The following VAMP2 variants were observed in gnomAD, a reference collection of about 807,000 sequenced individuals.
VAMP2 encodes the protein vesicle associated membrane protein 2.
For missense variants in VAMP2, 95 were observed against 151.3 expected, an observed-to-expected ratio of 0.63 and a Z score of 1.95; for synonymous variants, 67 against 57.3, an observed-to-expected ratio of 1.17 and a Z score of -0.76.
rs1445055130 is a variant in VAMP2, at chr17:8,159,787, G to A, written c.*1068C>T. On this transcript the variant is annotated 3_prime_UTR_variant, in exon 5 of 5. Coordinates refer to ENST00000316509, the MANE Select transcript of VAMP2 (RefSeq NM_014232.3). The stretch of plus-strand genomic sequence containing the variant: ...ACTGGTAGCCACCCCTCTCACAAGA[G>A]ATCAATTGTGGCCAACCCCCAACTC... The A allele has an allele frequency of 1.3e-5, 2 of 152,732 alleles. No homozygotes were observed. The highest frequency in any genetic ancestry group is 1.3e-4 in the Admixed American group (2 of 15,278). The allele number at this position is 152,732 out of a possible 1,614,324, so 9.5% of individuals were successfully genotyped here. A position where few individuals can be genotyped will look rare whatever the true frequency, so the allele number is the denominator to read the frequency against.
chr17:8,162,525 G>T, intron 1 of VAMP2, 156 bp from the exon 2 acceptor site: 3 of 1,515,568 alleles, frequency 2.0e-6, no homozygotes, highest in Non-Finnish European at 2.6e-6. Flanking sequence ...CAGCCCTGCC[G>T]CCGATGAGCT....
chr17:8,162,193 C>T (rs1437528121), intron 2 of VAMP2, 56 bp downstream of exon 2: 3 of 1,501,018 alleles, frequency 2.0e-6, no homozygotes, highest in Non-Finnish European at 2.7e-6. Flanking sequence ...GGCCCCTACA[C>T]CTATACGCCA....
rs373201814 is a variant in VAMP2, at chr17:8,160,836, G to C, written c.*19C>G. ...TGGGGGAGAGGCCCTTCTCTAGGCA[G>C]GGCAGACTCCTCGGGGATTTAAGTG... is the stretch of plus-strand genomic sequence containing the variant. On this transcript the variant is annotated 3_prime_UTR_variant, in exon 5 of 5. Transcript: ENST00000316509. The C allele has an allele frequency of 1.2e-6, 2 of 1,609,942 alleles. No homozygotes were observed. The highest frequency in any genetic ancestry group is 2.7e-5 in the African/African-American group (2 of 74,728).
In VAMP2 at chr17:8,160,098, A is replaced by T. The variant is rs909646322; in HGVS notation, c.*757T>A. On this transcript the variant is annotated 3_prime_UTR_variant, in exon 5 of 5. Coordinates refer to ENST00000316509, the MANE Select transcript of VAMP2 (RefSeq NM_014232.3). ...GGACCAGAGCAGCCTGGTTCCCCAA[A>T]AGCCCAGGCTCCCCACCACCTGCGA... The T allele has an allele frequency of 1.3e-5, 2 of 152,266 alleles. No individual in the cohort carries two copies. Among genetic ancestry groups the T allele is most frequent in the African/African-American group, 4.8e-5 (2 of 41,424 alleles). 9.4% of individuals were successfully genotyped at this position (152,266 alleles called of 1,614,324 possible).
intron 2 of VAMP2, among the ~76,000 whole-genome samples, chr17:8,161,976 T>C (rs1036164826): frequency 5.9e-5 from 9 of 152,142 alleles, no homozygotes; most frequent in Non-Finnish European, 7.4e-5. Flanking sequence ...TCAGATGTCA[T>C]AGCAACACCC....
rs1482692469 is a variant in VAMP2, at chr17:8,161,641, C to T, written c.249G>A (p.Lys83=). The T allele has an allele frequency of 3.1e-6, 5 of 1,614,196 alleles. No individual in the cohort carries two copies. Among genetic ancestry groups the T allele is most frequent in the South Asian group, 1.1e-5 (1 of 91,088 alleles). Residue 83 remains lysine (K), a synonymous_variant, in exon 3 of 5, where the codon AAG becomes AAA. Coordinates refer to ENST00000316509, the MANE Select transcript of VAMP2 (RefSeq NM_014232.3). ...TTTTCCACCAGTATTTGCGCTTGAG[C>T]TTGGCTGCGCTTGTTTCAAACTGGG... ...GASQFETSAA[K]LKRKYWWKNL...
chr17:8,161,121 G>C (rs1288269957), intron 4 of VAMP2: 1 of 553,602 alleles, frequency 1.8e-6, no homozygotes, highest in Non-Finnish European at 3.2e-6. Context: ...GAGACCGCAA[G>C]CTCTCAAATA....
intron 1 of VAMP2, 37 bp from the exon 2 acceptor site, chr17:8,162,406 A>G (rs956684719): frequency 3.7e-6 from 6 of 1,607,480 alleles, no homozygotes; most frequent in Non-Finnish European, 5.1e-6. Flanking sequence ...CAGGGCCTGC[A>G]GCCTCCCGGC....
Position 8,159,852 on chromosome 17 carries a change from G to A in VAMP2, c.*1003C>T, listed in dbSNP as rs949189664. On this transcript the variant is annotated 3_prime_UTR_variant, in exon 5 of 5. Transcript: ENST00000316509. ...GGAGGTGGATCAGGCAGATGGGAGG[G>A]AAACCCCATGGGAATGTCAGTTGAG... is the stretch of plus-strand genomic sequence containing the variant. 2 of 152,696 alleles carry A rather than the reference G, an allele frequency of 1.3e-5. No homozygotes were observed. The highest frequency in any genetic ancestry group is 6.5e-5 in the Admixed American group (1 of 15,282). The allele number at this position is 152,696 out of a possible 1,614,324, so 9.5% of individuals were successfully genotyped here.
At position 8,162,415 on chromosome 17, in the gene VAMP2, G is replaced by GC. The variant is rs1262491170; in HGVS notation, c.3-47dup. 6.9e-6 allele frequency: 11 copies of GC among 1,602,468 alleles called. No homozygotes were observed. In the Admixed American group the frequency reaches 1.9e-4, roughly 27 times the overall value. On this transcript the variant is annotated intron_variant, in intron 1 of 4. Coordinates refer to ENST00000316509, the MANE Select transcript of VAMP2 (RefSeq NM_014232.3). ...AAGACCCAGGGCCTGCAGCCTCCCG[G>GC]CCCCGCAGCCAGGGCTCCGCCCATC...
chr17:8,162,553 G>GC lies in VAMP2; in HGVS notation c.3-185dup, dbSNP rs200515650. ...GATGAGCTGCGTGACCTTGAGCGAG[G>GC]CCCCCCCGGCCTCAGTTTCCCCGCC... On this transcript the variant is annotated intron_variant, in intron 1 of 4. Coordinates refer to ENST00000316509, the MANE Select transcript of VAMP2 (RefSeq NM_014232.3). 7.6e-4 allele frequency: 1,112 copies of GC among 1,463,364 alleles called. 5 individuals carry two copies. In the African/African-American group the frequency reaches 0.014, roughly 18 times the overall value. The allele number at this position is 1,463,364 out of a possible 1,614,324, so 90.6% of individuals were successfully genotyped here. A position where few individuals can be genotyped will look rare whatever the true frequency, so the allele number is the denominator to read the frequency against.
chr17:8,162,394 CCCAGGGCCTGCAGCCTCCCGGCCCCGCAG>C, intron 1 of VAMP2, 25 bp from the exon 2 acceptor site: 2 of 1,611,182 alleles, frequency 1.2e-6, no homozygotes, highest in Non-Finnish European at 1.7e-6. Context: ...CGGATTAAGA[CCCAGGGCCTGCAGCCTCCCGGCCCCGCAG>C]CCAGGGCTCC....
At position 8,161,229 on chromosome 17, in the gene VAMP2, A is replaced by G. The variant is rs986074080; in HGVS notation, c.334+244T>C. 2.7e-5 allele frequency: 17 copies of G among 621,264 alleles called. No homozygotes were observed. In the Admixed American group the frequency reaches 5.2e-4, roughly 19 times the overall value. The allele number at this position is 621,264 out of a possible 1,614,324, so 38.5% of individuals were successfully genotyped here. A position where few individuals can be genotyped will look rare whatever the true frequency, so the allele number is the denominator to read the frequency against. On this transcript the variant is annotated intron_variant, in intron 4 of 4. Coordinates refer to ENST00000316509, the MANE Select transcript of VAMP2 (RefSeq NM_014232.3). ...GTTCTCAGACTGGGCTCTTAGGCCT[A>G]AAGGGTCCTCAATGGATACACCAGC...
rs759970051 is a variant in VAMP2 at position 8,162,296 on chromosome 17, G to T, written c.76C>A (p.Leu26Ile). 6.3e-7 allele frequency: 1 copy of T among 1,594,044 alleles called. No individual in the cohort carries two copies. The highest frequency in any genetic ancestry group is 2.3e-5 in the East Asian group (1 of 44,020). Residue 26 changes from leucine to isoleucine, a missense_variant, in exon 2 of 5, where the codon CTC becomes ATC. Physicochemically the swap from Leu to Ile is conservative, Grantham distance 5. Transcript: ENST00000316509. ...TGCTGCAGTCTCCTGTTACTGGTGA[G>T]GTTTGGAGGGGGTGCAGGGGGACCA... ...EGGPPAPPPN[L>I]TSNRRLQQTQ... is the part of the protein sequence containing the mutation.
At chr17:8,162,413 C>A (rs550665414) in intron 1 of VAMP2, 44 bp from the exon 2 acceptor site, 3 of 1,603,886 alleles carry the variant, frequency 1.9e-6, no homozygotes, top group Middle Eastern at 1.8e-4. Flanking sequence ...TGCAGCCTCC[C>A]GGCCCCGCAG....
At chr17:8,161,252 A>G in intron 4 of VAMP2, 1 of 680,290 alleles carries the variant, frequency 1.5e-6, no homozygotes, top group Non-Finnish European at 2.4e-6. Flanking sequence ...TGGATACACC[A>G]GCTTTCCTAT....
In VAMP2 at chr17:8,159,357, G is replaced by A. The variant is rs1983219358; in HGVS notation, c.*1498C>T. On this transcript the variant is annotated 3_prime_UTR_variant, in exon 5 of 5. Coordinates refer to ENST00000316509, the MANE Select transcript of VAMP2 (RefSeq NM_014232.3). ...CCCCTCCACACAGAAAACCAGAAGT[G>A]TGGGGGGAAGAAAGTTTGGGGGCCC... The A allele has an allele frequency of 6.6e-6, 1 of 152,538 alleles. No individual in the cohort carries two copies. The highest frequency in any genetic ancestry group is 2.1e-4 in the South Asian group (1 of 4,820). 9.4% of individuals were successfully genotyped at this position (152,538 alleles called of 1,614,324 possible). A position where few individuals can be genotyped will look rare whatever the true frequency, so the allele number is the denominator to read the frequency against.
rs910731167 is a variant in VAMP2, at chr17:8,160,724, G to C, written c.*131C>G. 1 of 711,122 alleles carries C rather than the reference G, an allele frequency of 1.4e-6. No homozygotes were observed. The highest frequency in any genetic ancestry group is 1.8e-5 in the African/African-American group (1 of 56,424). 44.1% of individuals were successfully genotyped at this position (711,122 alleles called of 1,614,324 possible). On this transcript the variant is annotated 3_prime_UTR_variant, in exon 5 of 5. Coordinates refer to ENST00000316509, the MANE Select transcript of VAMP2 (RefSeq NM_014232.3). ...AAATAACAGCTGGCTATTTACAGGG[G>C]GACACACACACGGACACACACACAC...
Position 8,161,780 on chromosome 17 carries a change from C to G in VAMP2, c.124-14G>C. On this transcript the variant is annotated splice_polypyrimidine_tract_variant and intron_variant, in intron 2 of 4. Coordinates refer to ENST00000316509, the MANE Select transcript of VAMP2 (RefSeq NM_014232.3). ...GATGTCCACCACCTGGGAGAAGGGCCCACGAGGCAGGGGGGTGTGCCAAGG... is the reference window on the plus strand; with the variant it reads ...GATGTCCACCACCTGGGAGAAGGGCGCACGAGGCAGGGGGGTGTGCCAAGG... 3.1e-6 allele frequency: 5 copies of G among 1,609,824 alleles called. No individual in the cohort carries two copies. Among genetic ancestry groups the G allele is most frequent in the Non-Finnish European group, 4.2e-6 (5 of 1,176,642 alleles).
Sources: allele counts gnomAD v4.1 joint callset (sites outside exome capture counted in the v4.1 genomes callset), GRCh38; gene constraint gnomAD v4.1.1; transcripts MANE v1.5; gene names NCBI Gene and HGNC (gene_info 2026-07-23, HGNC 2026-07-21).